The following ABLIM2 variants were observed in gnomAD, a reference collection of about 807,000 sequenced individuals.
The protein encoded by ABLIM2 is actin binding LIM protein family member 2, also known as actin-binding LIM protein 2.
Under a neutral mutation model 97.7 loss-of-function variants are expected in ABLIM2, and 53 were observed. The observed-to-expected ratio is 0.54, with a 90% CI of 0.44 to 0.68. The LOEUF (loss-of-function observed/expected upper bound fraction) is 0.68, where lower values mean the gene tolerates loss of function less well. Ranked by LOEUF, ABLIM2 falls within the 30% of genes least tolerant of loss-of-function variation. The probability of loss-of-function intolerance (pLI) is 0.00; values close to 1 mark genes in which losing one functional copy is unlikely to be tolerated. For synonymous variants in ABLIM2, 361 were observed against 345.8 expected, an observed-to-expected ratio of 1.04 and a Z score of -0.49; for missense variants, 835 against 867.2, an observed-to-expected ratio of 0.96 and a Z score of 0.47.
intron 3 of ABLIM2, among the ~76,000 whole-genome samples, chr4:8,090,042 G>A (rs1054028923): frequency 1.3e-5 from 2 of 152,208 alleles, no homozygotes; most frequent in Non-Finnish European, 2.9e-5. Context: ...TGCAGCAGGT[G>A]TGTTCCTGGG....
At chr4:8,126,710 C>T (rs746589091) in intron 1 of ABLIM2, among the ~76,000 whole-genome samples, 54 of 152,086 alleles carry the variant, frequency 3.6e-4, no homozygotes, top group Non-Finnish European at 4.9e-4. Flanking sequence ...GACGCTCAGC[C>T]GTGGCCTGAC....
At chr4:8,079,990 G>C (rs559818294) in intron 5 of ABLIM2, among the ~76,000 whole-genome samples, 17 of 152,300 alleles carry the variant, frequency 1.1e-4, no homozygotes, top group African/African-American at 3.8e-4. Flanking sequence ...GCACCATGCG[G>C]AAGGCTTGCC....
intron 1 of ABLIM2, among the ~76,000 whole-genome samples, chr4:8,111,275 A>T (rs1243574456): frequency 6.6e-6 from 1 of 152,252 alleles, no homozygotes; most frequent in African/African-American, 2.4e-5. Context: ...CAATTATGTG[A>T]CATGCTGGAA....
intron 1 of ABLIM2, among the ~76,000 whole-genome samples, chr4:8,138,679 AC>A (rs1161335568): frequency 6.6e-6 from 1 of 152,176 alleles, no homozygotes; most frequent in Middle Eastern, 3.2e-3. Context: ...TTGAAACTGG[AC>A]CCCTTCCTTA....
chr4:8,100,466 G>T (rs574045339), intron 2 of ABLIM2, among the ~76,000 whole-genome samples: 4 of 152,234 alleles, frequency 2.6e-5, no homozygotes, highest in Non-Finnish European at 5.9e-5. Flanking sequence ...TGAGATGAAG[G>T]CAGGGTGCGG....
At chr4:8,057,321 G>A (rs948931126) in intron 7 of ABLIM2, among the ~76,000 whole-genome samples, 1 of 152,026 alleles carries the variant, frequency 6.6e-6, no homozygotes, top group Admixed American at 6.6e-5. Flanking sequence ...TCCGACTTCG[G>A]GTGATCCATC....
chr4:8,106,644 GGAAA>G lies in ABLIM2; in HGVS notation c.11-11_11-8del. On this transcript the variant is annotated splice_polypyrimidine_tract_variant and splice_region_variant and intron_variant, in intron 1 of 20. Transcript: ENST00000447017. ...GCAGCCTGGGGCTGCGACACTGTTG[GGAAA>G]GAGAGAAGAGCAGCGTTCAAGGGTG... 1 of 1,601,870 alleles carries G rather than the reference GGAAA, an allele frequency of 6.2e-7. No individual in the cohort carries two copies. The highest frequency in any genetic ancestry group is 8.5e-7 in the Non-Finnish European group (1 of 1,173,970).
At chr4:8,135,375 G>A (rs148795744) in intron 1 of ABLIM2, among the ~76,000 whole-genome samples, 89 of 152,314 alleles carry the variant, frequency 5.8e-4, no homozygotes, top group African/African-American at 2.0e-3. Flanking sequence ...GAATGCCTGC[G>A]TTCCCCAAAT....
rs898835561 is a variant in ABLIM2 at position 8,087,089 on chromosome 4, A to G, written c.454+1080T>C. 8.5e-5 allele frequency among the ~76,000 whole-genome samples: 13 copies of G among 152,196 alleles called. No homozygotes were observed. Among genetic ancestry groups the G allele is most frequent in the Non-Finnish European group, 1.0e-4 (7 of 68,034 alleles). ...CAGCAGACAAGGTGGGGGAGAAAGG[A>G]GGCATTTGACACAGGAGAGGAAATT... On this transcript the variant is annotated intron_variant, in intron 4 of 20. Coordinates refer to ENST00000447017, the MANE Select transcript of ABLIM2 (RefSeq NM_001130083.2). The surrounding 1 kb of genome is among the most constrained non-coding windows in gnomAD (Gnocchi z 4.6).
chr4:8,080,897 C>T (rs377373892), intron 4 of ABLIM2, 95 bp from the exon 5 acceptor site: 3 of 1,473,254 alleles, frequency 2.0e-6, no homozygotes, highest in African/African-American at 2.8e-5. Flanking sequence ...GCCCCTGGGG[C>T]AGCCGGGAGG....
intron 16 of ABLIM2, 96 bp downstream of exon 16, chr4:8,007,963 G>A (rs1200629090): frequency 2.6e-6 from 4 of 1,533,980 alleles, no homozygotes; most frequent in African/African-American, 2.8e-5. Context: ...TAACAGGCAA[G>A]GCTTAGATGT....
rs576747075 is a variant in ABLIM2, at chr4:8,127,757, C to T, written c.11-21120G>A. 69 of 970,584 alleles carry T rather than the reference C, an allele frequency of 7.1e-5. No homozygotes were observed. The East Asian group carries it at 8.1e-4, about 11-fold the overall frequency. The allele number at this position is 970,584 out of a possible 1,614,324, so 60.1% of individuals were successfully genotyped here. Reference sequence around the variant, plus strand: ...GGGAGGGGCAGAGCCAAGCCCTTCCCGGCACACTGAAATAGACTCCCGCCA... The same window carrying T: ...GGGAGGGGCAGAGCCAAGCCCTTCCTGGCACACTGAAATAGACTCCCGCCA... On this transcript the variant is annotated intron_variant, in intron 1 of 20. Transcript: ENST00000447017. This position sits in a 1 kb window ranked among gnomAD's most constrained non-coding sequence, Gnocchi z 7.3.
intron 16 of ABLIM2, among the ~76,000 whole-genome samples, chr4:8,000,875 G>A (rs1313908040): frequency 9.9e-5 from 15 of 151,822 alleles, no homozygotes; most frequent in African/African-American, 3.6e-4. Context: ...TGTTCTCTGC[G>A]GGTCTGTCCT....
At chr4:8,024,185 C>T (rs1775818858) in intron 12 of ABLIM2, among the ~76,000 whole-genome samples, 1 of 152,122 alleles carries the variant, frequency 6.6e-6, no homozygotes, top group Non-Finnish European at 1.5e-5. Context: ...GCCAGGGGTT[C>T]AGAGTGGGCC....
intron 2 of ABLIM2, among the ~76,000 whole-genome samples, chr4:8,104,908 A>G (rs1230816873): frequency 6.6e-6 from 1 of 152,162 alleles, no homozygotes; most frequent in African/African-American, 2.4e-5. Flanking sequence ...ACTAGTGGAC[A>G]ATGTCTGCAC....
At chr4:8,092,605 CTG>C (rs1241903678) in intron 3 of ABLIM2, among the ~76,000 whole-genome samples, 2 of 152,124 alleles carry the variant, frequency 1.3e-5, no homozygotes, top group South Asian at 4.1e-4. Flanking sequence ...ACTATAAAGA[CTG>C]TAGCTATCTG....
At chr4:8,029,893 C>T (rs1779788419) in intron 10 of ABLIM2, 117 bp from the exon 11 acceptor site, 2 of 1,358,096 alleles carry the variant, frequency 1.5e-6, no homozygotes, top group South Asian at 1.4e-5. Flanking sequence ...GATGACTCAA[C>T]ATGGCCCCAT....
chr4:7,982,441 C>G (rs74922598), intron 20 of ABLIM2, among the ~76,000 whole-genome samples: 10,570 of 152,276 alleles, frequency 0.069, 386 homozygotes, highest in Non-Finnish European at 0.079. Flanking sequence ...GCTGGGACAC[C>G]GTAGGGCGGT....
Position 8,019,731 on chromosome 4 carries a change from G to A in ABLIM2, c.1370-60C>T, listed in dbSNP as rs2150874128. The stretch of plus-strand genomic sequence containing the variant: ...GGAGGGTAAGCAGCAAGTTGTGATG[G>A]TTTCTGTTCTACAGCTTTTTGTAAG... On this transcript the variant is annotated intron_variant, in intron 13 of 20. Coordinates refer to ENST00000447017, the MANE Select transcript of ABLIM2 (RefSeq NM_001130083.2). The surrounding 1 kb of genome is among the most constrained non-coding windows in gnomAD (Gnocchi z 4.3). 1.3e-6 allele frequency: 2 copies of A among 1,492,302 alleles called. No individual in the cohort carries two copies. Among genetic ancestry groups the A allele is most frequent in the East Asian group, 4.5e-5 (2 of 44,082 alleles). 92.4% of individuals were successfully genotyped at this position (1,492,302 alleles called of 1,614,324 possible).
Sources: allele counts gnomAD v4.1 joint callset (sites outside exome capture counted in the v4.1 genomes callset), GRCh38; gene constraint gnomAD v4.1.1; non-coding constraint Gnocchi (gnomAD v3.1); transcripts MANE v1.5; gene names NCBI Gene and HGNC (gene_info 2026-07-23, HGNC 2026-07-21).